Variants in RAB11FIP3 observed in about 807,000 individuals in gnomAD.
RAB11FIP3 encodes RAB11 family interacting protein 3.
Under a neutral mutation model 77.8 loss-of-function variants are expected in RAB11FIP3, and 17 were observed. The observed-to-expected ratio is 0.22, with a 90% CI of 0.15 to 0.33. RAB11FIP3 has a LOEUF of 0.33. Among genes scored for constraint, RAB11FIP3 ranks in the 10% least tolerant of loss-of-function variants. RAB11FIP3 has a pLI of 1.00. For synonymous variants in RAB11FIP3, 437 were observed against 448.2 expected (o/e 0.98, Z 0.31); for missense variants, 1,005 against 1,011.2 (o/e 0.99, Z 0.08).
chr16:442,819 G>A (rs1210558639), intron 1 of RAB11FIP3, among the ~76,000 whole-genome samples: 2 of 152,176 alleles, frequency 1.3e-5, no homozygotes, highest in African/African-American at 4.8e-5. Flanking sequence ...AACAGGCTCC[G>A]TGCTAGAGCG....
chr16:491,299 G>C, intron 5 of RAB11FIP3: 1 of 1,296,468 alleles, frequency 7.7e-7, no homozygotes, highest in Non-Finnish European at 1.0e-6. Context: ...CTTGCTGTCT[G>C]TTCCCAGGGT....
In RAB11FIP3 at chr16:488,950, C is replaced by G; in HGVS notation, c.1215C>G (p.Thr405=). ...GTGAGGCGGAGCTGTCCCCAGAGAC[C>G]CTATGCAACGGGCAGCTGGGCTGCA... ...EGSEAELSPE[T]LCNGQLGCSD... Residue 405 remains threonine, a synonymous_variant, in exon 5 of 14, where the codon ACC becomes ACG. Coordinates refer to ENST00000262305, the MANE Select transcript of RAB11FIP3 (RefSeq NM_014700.4). 6.2e-7 allele frequency: 1 copy of G among 1,614,014 alleles called. No individual in the cohort carries two copies. Among genetic ancestry groups the G allele is most frequent in the Non-Finnish European group, 8.5e-7 (1 of 1,180,014 alleles).
chr16:511,303 A>G lies in RAB11FIP3; in HGVS notation c.1640+503A>G, dbSNP rs369486582. Reference sequence around the variant, plus strand: ...AGGCCAGGTAGGAGAGGTTCTTGACAGCCCGCCCACCCCAGAAACTGCAGG... The same window carrying G: ...AGGCCAGGTAGGAGAGGTTCTTGACGGCCCGCCCACCCCAGAAACTGCAGG... On this transcript the variant is annotated intron_variant, in intron 9 of 13. Transcript: ENST00000262305. Among the ~76,000 whole-genome samples, 532 of 107,984 alleles carry G rather than the reference A, an allele frequency of 4.9e-3. 5 individuals are homozygous for G. Among genetic ancestry groups the G allele is most frequent in the African/African-American group, 0.018 (477 of 26,240 alleles). The allele number at this position is 107,984 out of a possible 152,430, so 70.8% of individuals were successfully genotyped here.
intron 1 of RAB11FIP3, among the ~76,000 whole-genome samples, chr16:455,406 G>A (rs1488045049): frequency 2.0e-5 from 3 of 151,536 alleles, no homozygotes; most frequent in Non-Finnish European, 2.9e-5. Flanking sequence ...CCCGGGAGGT[G>A]GAGGCTGCAG....
At position 484,593 on chromosome 16, in the gene RAB11FIP3, TC is replaced by T. The variant is rs775705828; in HGVS notation, c.1115+1859del. On this transcript the variant is annotated intron_variant, in intron 4 of 13. Transcript: ENST00000262305. ...GTCTCCAACCCCTGGCCTCAGGCGA[TC>T]CGCCCGCCTCGGCCTCCCGAAGTGC... Among the ~76,000 whole-genome samples, 4 of 152,186 alleles carry T rather than the reference TC, an allele frequency of 2.6e-5. No homozygotes were observed. The East Asian group carries it at 7.7e-4, about 29-fold the overall frequency.
chr16:469,099 G>A (rs1431667051), intron 2 of RAB11FIP3, among the ~76,000 whole-genome samples: 1 of 151,724 alleles, frequency 6.6e-6, no homozygotes, highest in African/African-American at 2.4e-5. Context: ...ACAGACTCTC[G>A]CTGTAGCCCA....
intron 1 of RAB11FIP3, among the ~76,000 whole-genome samples, chr16:434,869 G>C (rs900267324): frequency 2.0e-5 from 3 of 151,888 alleles, no homozygotes; most frequent in Non-Finnish European, 4.4e-5. Context: ...TTTAAGACCA[G>C]CTGGCCAACA....
intron 1 of RAB11FIP3, among the ~76,000 whole-genome samples, chr16:460,269 A>C (rs1339045174): frequency 6.6e-6 from 1 of 152,182 alleles, no homozygotes; most frequent in African/African-American, 2.4e-5. Flanking sequence ...TCTCCCAGTC[A>C]GTGTCATTTT....
At chr16:493,752 G>A (rs545646237) in intron 5 of RAB11FIP3, among the ~76,000 whole-genome samples, 267 of 148,304 alleles carry the variant, frequency 1.8e-3, no homozygotes, top group Middle Eastern at 7.1e-3. Flanking sequence ...GACTACAGGC[G>A]CCCATCACCA....
chr16:520,894 T>C lies in RAB11FIP3; in HGVS notation c.*55T>C, dbSNP rs528738014. 4.3e-4 allele frequency: 612 copies of C among 1,439,218 alleles called. 5 individuals carry two copies. The African/African-American group carries it at 7.5e-3, about 18-fold the overall frequency. The allele number at this position is 1,439,218 out of a possible 1,614,324, so 89.2% of individuals were successfully genotyped here. A position where few individuals can be genotyped will look rare whatever the true frequency, so the allele number is the denominator to read the frequency against. On this transcript the variant is annotated 3_prime_UTR_variant, in exon 14 of 14. Transcript: ENST00000262305. The stretch of plus-strand genomic sequence containing the variant: ...CGGGACTCCAACACCCTGGAGTGGT[T>C]CCGTCAGACCATGAGGAGCCAAGAC...
intron 1 of RAB11FIP3, among the ~76,000 whole-genome samples, chr16:457,188 G>T (rs2055518150): frequency 6.6e-6 from 1 of 152,170 alleles, no homozygotes; most frequent in African/African-American, 2.4e-5. Flanking sequence ...TGTTATTCGA[G>T]AATCCTGGGA....
In RAB11FIP3 at chr16:520,936, C is replaced by T. The variant is rs1301249991; in HGVS notation, c.*97C>T. 7 of 1,000,296 alleles carry T rather than the reference C, an allele frequency of 7.0e-6. No homozygotes were observed. The highest frequency in any genetic ancestry group is 4.9e-5 in the East Asian group (2 of 41,104). 62.0% of individuals were successfully genotyped at this position (1,000,296 alleles called of 1,614,324 possible). On this transcript the variant is annotated 3_prime_UTR_variant, in exon 14 of 14. Transcript: ENST00000262305. Reference sequence around the variant, plus strand: ...AGCCAAGACCAGCAGGTCCCACAGCCGACAGTGCCCAGAGCATGCAGGGAA... The same window carrying T: ...AGCCAAGACCAGCAGGTCCCACAGCTGACAGTGCCCAGAGCATGCAGGGAA...
At chr16:512,326 T>C (rs965532615) in intron 9 of RAB11FIP3, among the ~76,000 whole-genome samples, 2 of 151,918 alleles carry the variant, frequency 1.3e-5, no homozygotes, top group African/African-American at 2.4e-5. Flanking sequence ...CTGCAAGCTC[T>C]GCCTCCCGGG....
chr16:433,520 T>C (rs1200726524), intron 1 of RAB11FIP3, among the ~76,000 whole-genome samples: 1 of 151,982 alleles, frequency 6.6e-6, no homozygotes. Context: ...TCCACGTTGC[T>C]GCAAATGACA....
At chr16:441,533 A>G (rs1345087582) in intron 1 of RAB11FIP3, among the ~76,000 whole-genome samples, 5 of 152,210 alleles carry the variant, frequency 3.3e-5, no homozygotes, top group Non-Finnish European at 4.4e-5. Flanking sequence ...AGTATCCTGT[A>G]ACAGTCATAA....
rs1007225509 is a variant in RAB11FIP3 at position 514,043 on chromosome 16, G to A, written c.1640+3243G>A. 1.3e-5 allele frequency among the ~76,000 whole-genome samples: 2 copies of A among 152,230 alleles called. No homozygotes were observed. Among genetic ancestry groups the A allele is most frequent in the African/African-American group, 4.8e-5 (2 of 41,468 alleles). On this transcript the variant is annotated intron_variant, in intron 9 of 13. Coordinates refer to ENST00000262305, the MANE Select transcript of RAB11FIP3 (RefSeq NM_014700.4). The surrounding 1 kb of genome is among the most constrained non-coding windows in gnomAD (Gnocchi z 4.6). ...GCCTCTGTGTGCTCTGGTGTGGAGG[G>A]GCACAAGATAGGGGTCTCACGAGGC...
chr16:450,190 G>T (rs1456515601), intron 1 of RAB11FIP3, among the ~76,000 whole-genome samples: 1 of 151,852 alleles, frequency 6.6e-6, no homozygotes, highest in South Asian at 2.1e-4. Flanking sequence ...TCTTTCTTGA[G>T]ACAGGGTCTC....
chr16:469,265 G>A (rs2141677172), intron 2 of RAB11FIP3, among the ~76,000 whole-genome samples: 1 of 152,054 alleles, frequency 6.6e-6, no homozygotes, highest in African/African-American at 2.4e-5. Context: ...TAGTACAGAC[G>A]GGTTTTCACC....
chr16:482,491 T>C, intron 3 of RAB11FIP3, 34 bp from the exon 4 acceptor site: 1 of 1,602,538 alleles, frequency 6.2e-7, no homozygotes, highest in African/African-American at 1.3e-5. Flanking sequence ...CCTCCCAGCT[T>C]GTGCCCGCTG....
Sources: gnomAD v4.1 joint callset for allele counts (sites outside exome capture counted in the v4.1 genomes callset) on GRCh38, gnomAD v4.1.1 for gene constraint, Gnocchi (gnomAD v3.1) non-coding constraint, MANE v1.5 for transcripts, NCBI Gene and HGNC (gene_info 2026-07-23, HGNC 2026-07-21) for gene names.